Variants in EYA3 observed in about 807,000 individuals in gnomAD.
The protein encoded by EYA3 is EYA transcriptional coactivator and phosphatase 3.
Under a neutral mutation model 80.0 loss-of-function variants are expected in EYA3, and 39 were observed. The observed-to-expected ratio is 0.49, with a 90% confidence interval of 0.38 to 0.64. EYA3 has a LOEUF of 0.64. Among genes scored for constraint, EYA3 ranks in the 30% least tolerant of loss-of-function variants. The pLI is 0.00. For missense variants in EYA3, 523 were observed against 676.1 expected (o/e 0.77, Z 2.51); for synonymous variants, 206 against 232.8 (o/e 0.88, Z 1.05).
At chr1:28,078,666 T>C (rs1383029063) in intron 1 of EYA3, among the ~76,000 whole-genome samples, 1 of 152,154 alleles carries the variant, frequency 6.6e-6, no homozygotes, top group Non-Finnish European at 1.5e-5. Context: ...TGCCTCAGCC[T>C]CCTGAGTAGC....
intron 10 of EYA3, among the ~76,000 whole-genome samples, chr1:28,007,333 C>CT (rs1641357361): frequency 6.9e-6 from 1 of 145,186 alleles, no homozygotes; most frequent in African/African-American, 2.6e-5. Flanking sequence ...TTCTTTCTTT[C>CT]TTTCTTTTTT....
chr1:28,001,804 C>T (rs1178229533), intron 11 of EYA3, among the ~76,000 whole-genome samples: 1 of 149,330 alleles, frequency 6.7e-6, no homozygotes, highest in African/African-American at 2.4e-5. Flanking sequence ...GATCTCGGCT[C>T]ACTGCAACCT....
At chr1:28,027,481 G>A (rs983145365) in intron 7 of EYA3, among the ~76,000 whole-genome samples, 2 of 152,144 alleles carry the variant, frequency 1.3e-5, no homozygotes, top group Non-Finnish European at 2.9e-5. Flanking sequence ...CTCATTTATA[G>A]GACAAAATGC....
chr1:28,049,639 G>A (rs535791370), intron 2 of EYA3, among the ~76,000 whole-genome samples: 1 of 152,030 alleles, frequency 6.6e-6, no homozygotes, highest in Non-Finnish European at 1.5e-5. Flanking sequence ...TGCAGACTGT[G>A]ACAAAAAAAT....
chr1:28,017,201 T>C lies in EYA3; in HGVS notation c.538A>G (p.Thr180Ala), dbSNP rs766825436. 28 of 1,613,934 alleles carry C rather than the reference T, an allele frequency of 1.7e-5. 1 individual carries two copies. The South Asian group carries it at 2.3e-4, about 13-fold the overall frequency. Residue 180 changes from threonine to alanine, a missense_variant, in exon 8 of 18, where the codon ACA (threonine) becomes GCA (alanine). Physicochemically the swap from Thr to Ala is moderately conservative, Grantham distance 58 (BLOSUM62 0). Around this residue, in one of 2 missense-constraint regions of EYA3, gnomAD observed 304 missense variants for 343.3 expected, o/e 0.89. Coordinates refer to ENST00000373871, the MANE Select transcript of EYA3 (RefSeq NM_001990.4). ...TNASLISTSSTIANIPAAAVA... is the reference protein window; with the variant it reads ...TNASLISTSSAIANIPAAAVA... ...GCTGCTGCTGGAATATTGGCAATTG[T>C]AGAAGAAGTAGATATCAGGCTGGCA...
chr1:28,059,679 A>T (rs1403104425), intron 1 of EYA3, among the ~76,000 whole-genome samples: 1 of 151,548 alleles, frequency 6.6e-6, no homozygotes, highest in East Asian at 1.9e-4. Context: ...CCACATCATT[A>T]GAGAAATGGA....
At chr1:28,065,594 T>C (rs1298071976) in intron 1 of EYA3, among the ~76,000 whole-genome samples, 58 of 152,076 alleles carry the variant, frequency 3.8e-4, no homozygotes, top group Non-Finnish European at 1.3e-4. Context: ...AGCATATGAT[T>C]TTTTTTCTTT....
chr1:28,023,951 A>T (rs1642614114), intron 7 of EYA3, among the ~76,000 whole-genome samples: 1 of 152,108 alleles, frequency 6.6e-6, no homozygotes, highest in Admixed American at 6.5e-5. Context: ...TAAAAAATAA[A>T]GTCTAGGCCA....
At chr1:28,070,668 A>G (rs902461342) in intron 1 of EYA3, among the ~76,000 whole-genome samples, 2 of 152,328 alleles carry the variant, frequency 1.3e-5, no homozygotes, top group Non-Finnish European at 2.9e-5. Context: ...AAACACTTAA[A>G]AACTTTCCAA....
At chr1:27,998,981 C>A (rs1055200762) in intron 12 of EYA3, among the ~76,000 whole-genome samples, 2 of 152,114 alleles carry the variant, frequency 1.3e-5, no homozygotes, top group African/African-American at 4.8e-5. Context: ...GGTGCTCAGG[C>A]TGGTCTCGAA....
chr1:27,978,611 T>C (rs1639100649), intron 16 of EYA3, 137 bp from the exon 17 acceptor site: 1 of 625,636 alleles, frequency 1.6e-6, no homozygotes, highest in Non-Finnish European at 2.8e-6. Flanking sequence ...TGCTGGGGAG[T>C]AGGGATGGGA....
chr1:27,982,005 AT>A (rs553550162), intron 16 of EYA3, among the ~76,000 whole-genome samples: 41,416 of 133,118 alleles, frequency 0.31, 5,887 homozygotes, highest in East Asian at 0.47. Context: ...CACCTGGCTA[AT>A]TTTTTTTTTT....
chr1:28,038,011 T>C (rs1222959993), intron 5 of EYA3, among the ~76,000 whole-genome samples: 1 of 152,112 alleles, frequency 6.6e-6, no homozygotes, highest in East Asian at 1.9e-4. Flanking sequence ...ACCTACCCAC[T>C]TTGGAGATGA....
At chr1:27,993,046 T>C (rs938007235) in intron 14 of EYA3, among the ~76,000 whole-genome samples, 3 of 151,870 alleles carry the variant, frequency 2.0e-5, no homozygotes, top group Non-Finnish European at 4.4e-5. Context: ...CTTGTCCTGA[T>C]AGTTATATAA....
chr1:28,025,913 C>T (rs1386187342), intron 7 of EYA3, among the ~76,000 whole-genome samples: 1 of 152,090 alleles, frequency 6.6e-6, no homozygotes, highest in East Asian at 1.9e-4. Context: ...GCATGCGCCA[C>T]CACACCCGGC....
chr1:28,015,292 T>A (rs142588911), intron 8 of EYA3, among the ~76,000 whole-genome samples: 3 of 152,308 alleles, frequency 2.0e-5, no homozygotes, highest in African/African-American at 7.2e-5. Context: ...TGAGTCTGGT[T>A]GAAACAAAGG....
In EYA3 at chr1:28,038,922, A is replaced by G; in HGVS notation, c.158-17T>C. 6.4e-7 allele frequency: 1 copy of G among 1,566,858 alleles called. No homozygotes were observed. Among genetic ancestry groups the G allele is most frequent in the African/African-American group, 1.3e-5 (1 of 74,212 alleles). Reference sequence around the variant, plus strand: ...ATGTCATAACTGAAAGAAAGATAATATCACCAGGTTAAAAAGTTAGAACAT... The same window carrying G: ...ATGTCATAACTGAAAGAAAGATAATGTCACCAGGTTAAAAAGTTAGAACAT... On this transcript the variant is annotated splice_polypyrimidine_tract_variant and intron_variant, in intron 4 of 17. Coordinates refer to ENST00000373871, the MANE Select transcript of EYA3 (RefSeq NM_001990.4).
rs181284386 is a variant in EYA3, at chr1:28,047,096, A to G, written c.77+1287T>C. 3.0e-3 allele frequency among the ~76,000 whole-genome samples: 457 copies of G among 151,132 alleles called. 2 individuals carry two copies. The highest frequency in any genetic ancestry group is 0.01 in the African/African-American group (422 of 41,152). On this transcript the variant is annotated intron_variant, in intron 3 of 17. Coordinates refer to ENST00000373871, the MANE Select transcript of EYA3 (RefSeq NM_001990.4). The stretch of plus-strand genomic sequence containing the variant: ...ACTACTGAACTCAAGCGATCTGCCC[A>G]CCTGGACCTCCAAAAGTGGAGCCAC...
At chr1:28,002,141 C>T (rs564062185) in intron 11 of EYA3, among the ~76,000 whole-genome samples, 1 of 152,152 alleles carries the variant, frequency 6.6e-6, no homozygotes, top group African/African-American at 2.4e-5. Context: ...TCTCGAACTC[C>T]TGACCTCAGC....
Sources: gnomAD v4.1 joint callset for allele counts (sites outside exome capture counted in the v4.1 genomes callset) on GRCh38, gnomAD v4.1.1 for gene constraint, gnomAD v4.1.1 regional missense constraint, MANE v1.5 for transcripts, NCBI Gene and HGNC (gene_info 2026-07-23, HGNC 2026-07-21) for gene names.